PRAG1: variants seen among roughly 807,000 people sequenced by gnomAD.
The protein encoded by PRAG1 is inactive tyrosine-protein kinase PRAG1.
PRAG1 carries 110 observed loss-of-function variants against 95.6 expected under a neutral mutation model. The ratio of observed to expected loss-of-function variants is 1.15; its 90% CI spans 0.99 to 1.35. The LOEUF is 1.35. PRAG1 is among the 40% of genes most tolerant of loss of function. PRAG1 has a pLI of 0.00. For synonymous variants in PRAG1, 1,052 were observed against 819.4 expected, an observed-to-expected ratio of 1.28 and a Z score of -4.85; for missense variants, 2,554 against 1,864.7, an observed-to-expected ratio of 1.37 and a Z score of -6.81.
At chr8:8,334,427 C>T (rs1350674017) in intron 4 of PRAG1, among the ~76,000 whole-genome samples, 2 of 140,008 alleles carry the variant, frequency 1.4e-5, no homozygotes, top group Non-Finnish European at 3.1e-5. Flanking sequence ...CCGAGTGAGA[C>T]TCCATCTCAA....
intron 4 of PRAG1, among the ~76,000 whole-genome samples, chr8:8,331,991 A>G (rs2117126115): frequency 6.6e-6 from 1 of 152,248 alleles, no homozygotes; most frequent in Middle Eastern, 3.4e-3. Flanking sequence ...TACTCGCCGC[A>G]TTATACACAC....
Position 8,381,420 on chromosome 8 carries a change from G to T in PRAG1, c.328C>A (p.Gln110Lys), listed in dbSNP as rs774041013. 6.2e-7 allele frequency: 1 copy of T among 1,602,964 alleles called. No homozygotes were observed. The highest frequency in any genetic ancestry group is 8.5e-7 in the Non-Finnish European group (1 of 1,170,872). The change falls in exon 2 of 6, where the codon CAG (glutamine) becomes AAG (lysine). Residue 110 changes from glutamine (Q) to lysine (K), a missense_variant and splice_region_variant. Gln to Lys is a moderately conservative substitution (Grantham distance 53, BLOSUM62 1). Coordinates refer to ENST00000615670, the MANE Select transcript of PRAG1 (RefSeq NM_001080826.3). ...TEANLSAEVS[Q>K]VIWRRAPGKL... ...CCACGAGTGTTAGTCAGCCTCACCTGCGAGACTTCGGCACTCAGGTTGGCC... is the reference window on the plus strand; with the variant it reads ...CCACGAGTGTTAGTCAGCCTCACCTTCGAGACTTCGGCACTCAGGTTGGCC...
intron 3 of PRAG1, among the ~76,000 whole-genome samples, chr8:8,371,399 T>G (rs934304232): frequency 6.6e-6 from 1 of 151,830 alleles, no homozygotes; most frequent in Non-Finnish European, 1.5e-5. Flanking sequence ...TAGCTGGGAC[T>G]ACTGGCGCCC....
chr8:8,369,798 C>T (rs1800131823), intron 3 of PRAG1, among the ~76,000 whole-genome samples: 1 of 150,930 alleles, frequency 6.6e-6, no homozygotes, highest in Non-Finnish European at 1.5e-5. Flanking sequence ...CTCCTGGACA[C>T]AGAGCTGAGC....
intron 3 of PRAG1, among the ~76,000 whole-genome samples, chr8:8,349,189 A>G (rs924530416): frequency 6.6e-6 from 1 of 152,208 alleles, no homozygotes; most frequent in African/African-American, 2.4e-5. Flanking sequence ...TAGTTTTTAA[A>G]TGCTTTTTTA....
At position 8,318,251 on chromosome 8, in the gene PRAG1, C is replaced by T. The variant is rs370740154; in HGVS notation, c.4124G>A (p.Arg1375Gln). The T allele has an allele frequency of 1.7e-5, 27 of 1,614,072 alleles. No individual in the cohort carries two copies. Among genetic ancestry groups the T allele is most frequent in the Non-Finnish European group, 2.2e-5 (26 of 1,180,026 alleles). The change falls in exon 6 of 6, where the codon CGG becomes CAG. Residue 1375 changes from arginine to glutamine, a missense_variant. Transcript: ENST00000615670. The surrounding 1 kb of genome is among the most constrained non-coding windows in gnomAD (Gnocchi z 4.2). Reference protein sequence around the residue: ...KFAEKAVDRRRGVELEDWLCC... With the variant: ...KFAEKAVDRRQGVELEDWLCC... ...AAGCCAGTCCTCCAGCTCCACGCCC[C>T]GCCTGCGATCCACCGCCTTCTCCGC...
intron 3 of PRAG1, among the ~76,000 whole-genome samples, chr8:8,374,055 G>C (rs1800300588): frequency 6.6e-6 from 1 of 152,170 alleles, no homozygotes; most frequent in Admixed American, 6.5e-5. Flanking sequence ...ATAGGGTGTG[G>C]GTGTCATTGC....
At chr8:8,339,407 G>C (rs56775625) in intron 4 of PRAG1, 71 bp downstream of exon 4, 1 of 1,515,444 alleles carries the variant, frequency 6.6e-7, no homozygotes, top group African/African-American at 1.4e-5. Flanking sequence ...TTCCAATCCC[G>C]CAAGCAACGC....
intron 3 of PRAG1, among the ~76,000 whole-genome samples, chr8:8,339,910 T>C (rs1799112262): frequency 6.6e-6 from 1 of 152,252 alleles, no homozygotes; most frequent in African/African-American, 2.4e-5. Context: ...ATTGCCTTCA[T>C]ATTCTGACCC....
In PRAG1 at chr8:8,381,581, G is replaced by C. The variant is rs747920786; in HGVS notation, c.167C>G (p.Pro56Arg). The change falls in exon 2 of 6, where the codon CCT becomes CGT. Residue 56 changes from proline (P) to arginine (R), a missense_variant. Pro to Arg is a moderately radical substitution (Grantham distance 103, BLOSUM62 -2). Coordinates refer to ENST00000615670, the MANE Select transcript of PRAG1 (RefSeq NM_001080826.3). ...AGGCCTGGGAGGCAGGCGCGGTGGA[G>C]GGGGCAGGCTGCCCGCTCTGGGCTG... ...PPQPRAGSLP[P>R]PPRLPPRPEN... is the part of the protein sequence containing the mutation. The C allele has an allele frequency of 1.9e-6, 3 of 1,614,166 alleles. No individual in the cohort carries two copies. The highest frequency in any genetic ancestry group is 3.3e-5 in the Admixed American group (2 of 60,028).
chr8:8,375,659 A>T (rs1800361445), intron 3 of PRAG1, among the ~76,000 whole-genome samples: 1 of 152,202 alleles, frequency 6.6e-6, no homozygotes, highest in African/African-American at 2.4e-5. Context: ...AATCTTTAAA[A>T]AAATTTTTTT....
At position 8,327,924 on chromosome 8, in the gene PRAG1, G is replaced by A; in HGVS notation, c.2858C>T (p.Ala953Val). Residue 953 changes from alanine to valine, a missense_variant, in exon 5 of 6, where the codon GCC becomes GTC. Ala to Val is a moderately conservative substitution (Grantham distance 64). Coordinates refer to ENST00000615670, the MANE Select transcript of PRAG1 (RefSeq NM_001080826.3). ...CTGGGTGTAGAGTCCCCCCAGCTTG[G>A]CATAGGTGCCCTCCTTGCTGCTGAT... ...SNISSKEGTYAKLGGLYTQSL... is the reference protein window; with the variant it reads ...SNISSKEGTYVKLGGLYTQSL... 1 of 1,613,842 alleles carries A rather than the reference G, an allele frequency of 6.2e-7. No homozygotes were observed. The highest frequency in any genetic ancestry group is 8.5e-7 in the Non-Finnish European group (1 of 1,179,788).
intron 3 of PRAG1, among the ~76,000 whole-genome samples, chr8:8,355,509 G>A (rs952572500): frequency 5.3e-5 from 8 of 152,040 alleles, no homozygotes; most frequent in South Asian, 2.1e-4. Context: ...GCCTTCATAC[G>A]TCCCGATTTT....
intron 3 of PRAG1, among the ~76,000 whole-genome samples, chr8:8,354,833 A>C (rs1399900398): frequency 6.6e-6 from 1 of 152,168 alleles, no homozygotes; most frequent in Non-Finnish European, 1.5e-5. Flanking sequence ...AATGGGGAAC[A>C]ACTAAATGTT....
rs1188227473 is a variant in PRAG1 at position 8,381,779 on chromosome 8, GC to G, written c.-33del. 3 of 1,518,378 alleles carry G rather than the reference GC, an allele frequency of 2.0e-6. No homozygotes were observed. Among genetic ancestry groups the G allele is most frequent in the Non-Finnish European group, 1.8e-6 (2 of 1,126,488 alleles). The allele number at this position is 1,518,378 out of a possible 1,614,324, so 94.1% of individuals were successfully genotyped here. A position where few individuals can be genotyped will look rare whatever the true frequency, so the allele number is the denominator to read the frequency against. ...CCGACAGGGTGCTGGTTCATCTTGC[GC>G]CCGGCTCTCTGGTGCAGTTTTGTGG... On this transcript the variant is annotated 5_prime_UTR_variant, in exon 2 of 6. It introduces an in-frame stop codon into an upstream open reading frame of the 5' UTR. Coordinates refer to ENST00000615670, the MANE Select transcript of PRAG1 (RefSeq NM_001080826.3).
chr8:8,355,863 G>C (rs936153777), intron 3 of PRAG1, among the ~76,000 whole-genome samples: 22 of 152,094 alleles, frequency 1.4e-4, no homozygotes, highest in African/African-American at 4.8e-4. Context: ...TATTGGCCTT[G>C]GAAATGATTT....
chr8:8,384,625 A>C lies in PRAG1; in HGVS notation c.-88+1696T>G, dbSNP rs1010528201. On this transcript the variant is annotated intron_variant, in intron 1 of 5. Transcript: ENST00000615670. ...CATGCAGCCAAAAAAAAAAAAAAAA[A>C]AAAAAAACCTCTTTTCCCGTTGCAC... 3.2e-4 allele frequency among the ~76,000 whole-genome samples: 48 copies of C among 152,066 alleles called. 1 individual carries two copies. The East Asian group carries it at 6.9e-3, about 22-fold the overall frequency.
Position 8,328,266 on chromosome 8 carries a change from T to G in PRAG1, c.2516A>C (p.Lys839Thr). The G allele has an allele frequency of 6.2e-7, 1 of 1,614,082 alleles. No homozygotes were observed. The highest frequency in any genetic ancestry group is 8.5e-7 in the Non-Finnish European group (1 of 1,179,976). ...DGFFWTQGSP[K>T]PGTASPKLNL... is the part of the protein sequence containing the mutation. ...CAGCTTGGGGCTTGCTGTTCCGGGC[T>G]TGGGGGAGCCTTGGGTCCAGAAGAA... The change falls in exon 5 of 6, where the codon AAG (lysine) becomes ACG (threonine). Residue 839 changes from lysine to threonine, a missense_variant. Physicochemically the swap from Lys to Thr is moderately conservative, Grantham distance 78. Coordinates refer to ENST00000615670, the MANE Select transcript of PRAG1 (RefSeq NM_001080826.3).
intron 4 of PRAG1, among the ~76,000 whole-genome samples, chr8:8,337,154 A>C (rs1799016710): frequency 6.6e-6 from 1 of 152,350 alleles, no homozygotes; most frequent in African/African-American, 2.4e-5. Context: ...GGCTTAATGT[A>C]TAATATTAGA....
Sources: allele counts gnomAD v4.1 joint callset (sites outside exome capture counted in the v4.1 genomes callset), GRCh38; gene constraint gnomAD v4.1.1; non-coding constraint Gnocchi (gnomAD v3.1); transcripts MANE v1.5; gene names NCBI Gene and HGNC (gene_info 2026-07-23, HGNC 2026-07-21).